The following NDUFC2 variants were observed in gnomAD, a reference collection of about 807,000 sequenced individuals.
NDUFC2 encodes the protein NADH:ubiquinone oxidoreductase subunit C2.
A neutral mutation model predicts 10.1 loss-of-function variants in NDUFC2; 2 were observed. The observed-to-expected ratio is 0.20, with a 90% CI of 0.08 to 0.62. NDUFC2 has a LOEUF of 0.62. NDUFC2 is among the 20% of genes least tolerant of loss of function. The pLI is 0.87. For missense variants in NDUFC2, 156 were observed against 159.6 expected (o/e 0.98, Z 0.12); for synonymous variants, 61 against 63.6 (o/e 0.96, Z 0.20).
chr11:78,079,112 T>TTAAAAA (rs752264424), intron 1 of NDUFC2, among the ~76,000 whole-genome samples: 1 of 22,302 alleles, frequency 4.5e-5, no homozygotes, highest in Non-Finnish European at 8.8e-5. Context: ...CATTCAGAGG[T>TTAAAAA]CAAAAAAAAA....
At position 78,069,913 on chromosome 11, in the gene NDUFC2, G is replaced by C; in HGVS notation, c.*74C>G. The stretch of plus-strand genomic sequence containing the variant: ...ATACAGATTAGCATAAGCTTCAACT[G>C]TCATAAGAAACATGTTCCATCAAAT... On this transcript the variant is annotated 3_prime_UTR_variant, in exon 3 of 3. Coordinates refer to ENST00000281031, the MANE Select transcript of NDUFC2 (RefSeq NM_004549.6). The C allele has an allele frequency of 6.2e-7, 1 of 1,613,446 alleles. No individual in the cohort carries two copies. Among genetic ancestry groups the C allele is most frequent in the Non-Finnish European group, 8.5e-7 (1 of 1,179,738 alleles).
chr11:78,074,169 C>T (rs1450726849), intron 1 of NDUFC2, among the ~76,000 whole-genome samples: 2 of 151,960 alleles, frequency 1.3e-5, no homozygotes, highest in East Asian at 3.9e-4. Flanking sequence ...AATGAGCCAC[C>T]ACACTCGGCC....
At chr11:78,074,100 G>A (rs1169712704) in intron 1 of NDUFC2, among the ~76,000 whole-genome samples, 2 of 150,272 alleles carry the variant, frequency 1.3e-5, no homozygotes, top group African/African-American at 4.9e-5. Flanking sequence ...GACTGGTCTT[G>A]AACTCCTGGG....
At chr11:78,079,445 G>C in intron 1 of NDUFC2, 134 bp downstream of exon 1, 1 of 1,316,638 alleles carries the variant, frequency 7.6e-7, no homozygotes, top group Non-Finnish European at 1.0e-6. Context: ...CGGACTCCCC[G>C]GAAAGGCGAG....
chr11:78,072,797 A>C, intron 2 of NDUFC2: 2 of 693,288 alleles, frequency 2.9e-6, no homozygotes, highest in Admixed American at 6.3e-5. Context: ...GGCAGAGGGG[A>C]TATGAGTTTT....
In NDUFC2 at chr11:78,068,548, AG is replaced by A. The variant is rs1300796361; in HGVS notation, c.*1438del. On this transcript the variant is annotated 3_prime_UTR_variant, in exon 3 of 3. Coordinates refer to ENST00000281031, the MANE Select transcript of NDUFC2 (RefSeq NM_004549.6). ...ACGCCTGTAATTCCAACACTTTGGA[AG>A]GCCAAGGCAGGTGGATCACAAGGTC... 6.6e-6 allele frequency: 1 copy of A among 152,244 alleles called. No homozygotes were observed. Among genetic ancestry groups the A allele is most frequent in the Admixed American group, 6.5e-5 (1 of 15,280 alleles). 9.4% of individuals were successfully genotyped at this position (152,244 alleles called of 1,614,324 possible).
At chr11:78,070,299 A>G (rs1227110536) in intron 2 of NDUFC2, among the ~76,000 whole-genome samples, 1 of 152,096 alleles carries the variant, frequency 6.6e-6, no homozygotes, top group East Asian at 1.9e-4. Context: ...TGCCTCTTCT[A>G]CCATGTGAGG....
chr11:78,079,520 C>A, intron 1 of NDUFC2, 59 bp downstream of exon 1: 1 of 1,523,842 alleles, frequency 6.6e-7, no homozygotes, highest in Non-Finnish European at 8.8e-7. Context: ...ACGGCCGGGC[C>A]AGTCTGCAGC....
chr11:78,072,707 C>A (rs1447387576), intron 2 of NDUFC2, among the ~76,000 whole-genome samples: 1 of 152,212 alleles, frequency 6.6e-6, no homozygotes, highest in Non-Finnish European at 1.5e-5. Context: ...TGATGATTCT[C>A]AGGCTTCTGG....
Position 78,073,801 on chromosome 11 carries a change from C to CAAA in NDUFC2, c.167-663_167-661dup, listed in dbSNP as rs11290651. On this transcript the variant is annotated intron_variant, in intron 1 of 2. Transcript: ENST00000281031. ...TGGGGGACGGAGTGAGGCTCTGTCT[C>CAAA]AAAAAAAAAAAAAAAAAAAAAAAGC... Among the ~76,000 whole-genome samples the CAAA allele has an allele frequency of 2.6e-3, 163 of 62,080 alleles. 2 individuals carry two copies. Among genetic ancestry groups the CAAA allele is most frequent in the African/African-American group, 9.4e-3 (152 of 16,100 alleles). 40.7% of individuals were successfully genotyped at this position (62,080 alleles called of 152,430 possible). A position where few individuals can be genotyped will look rare whatever the true frequency, so the allele number is the denominator to read the frequency against.
At chr11:78,073,244 C>A in intron 1 of NDUFC2, 103 bp from the exon 2 acceptor site, 1 of 1,562,464 alleles carries the variant, frequency 6.4e-7, no homozygotes, top group Non-Finnish European at 8.7e-7. Flanking sequence ...GTAATCCCAG[C>A]ACTTTGGGAG....
rs1859411466 is a variant in NDUFC2 at position 78,079,446 on chromosome 11, G to C, written c.166+133C>G. On this transcript the variant is annotated intron_variant, in intron 1 of 2. Transcript: ENST00000281031. The stretch of plus-strand genomic sequence containing the variant: ...GAGCTAATGGGGCGCGGACTCCCCG[G>C]AAAGGCGAGATGGGGCCAGCTAGGC... 5 of 1,320,266 alleles carry C rather than the reference G, an allele frequency of 3.8e-6. No homozygotes were observed. In the East Asian group the frequency reaches 1.4e-4, roughly 36 times the overall value. The allele number at this position is 1,320,266 out of a possible 1,614,324, so 81.8% of individuals were successfully genotyped here. A position where few individuals can be genotyped will look rare whatever the true frequency, so the allele number is the denominator to read the frequency against.
At chr11:78,078,727 G>GTTTTTTTTTTTTTTTTT (rs1565334734) in intron 1 of NDUFC2, among the ~76,000 whole-genome samples, 17 of 19,740 alleles carry the variant, frequency 8.6e-4, no homozygotes, top group Admixed American at 1.4e-3. Flanking sequence ...ATCAGGATCC[G>GTTTTTTTTTTTTTTTTT]CTTTTTTTTT....
At position 78,069,548 on chromosome 11, in the gene NDUFC2, C is replaced by T. The variant is rs2136818652; in HGVS notation, c.*439G>A. 1 of 304,198 alleles carries T rather than the reference C, an allele frequency of 3.3e-6. No individual in the cohort carries two copies. The highest frequency in any genetic ancestry group is 6.9e-5 in the East Asian group (1 of 14,396). 18.8% of individuals were successfully genotyped at this position (304,198 alleles called of 1,614,324 possible). ...TGGCTCACTCTAAATTCACTTTGCACTAGGACAGGGGCAGGCAAACCTTTT... is the reference window on the plus strand; with the variant it reads ...TGGCTCACTCTAAATTCACTTTGCATTAGGACAGGGGCAGGCAAACCTTTT... On this transcript the variant is annotated 3_prime_UTR_variant, in exon 3 of 3. Coordinates refer to ENST00000281031, the MANE Select transcript of NDUFC2 (RefSeq NM_004549.6).
intron 1 of NDUFC2, among the ~76,000 whole-genome samples, chr11:78,075,742 G>A (rs1859221763): frequency 6.6e-6 from 1 of 152,052 alleles, no homozygotes; most frequent in Admixed American, 6.6e-5. Context: ...ATGCCACCAC[G>A]TCCAGATAGC....
intron 2 of NDUFC2, among the ~76,000 whole-genome samples, chr11:78,071,404 G>A (rs1859004814): frequency 6.6e-6 from 1 of 151,924 alleles, no homozygotes; most frequent in Non-Finnish European, 1.5e-5. Flanking sequence ...CTATAGGCAT[G>A]TGCCACCTCA....
At position 78,079,639 on chromosome 11, in the gene NDUFC2, A is replaced by G. The variant is rs1461610197; in HGVS notation, c.106T>C (p.Leu36=). The G allele has an allele frequency of 6.3e-7, 1 of 1,588,092 alleles. No individual in the cohort carries two copies. Among genetic ancestry groups the G allele is most frequent in the Non-Finnish European group, 8.6e-7 (1 of 1,167,802 alleles). ...TDPRLLYIGF[L]GYCSGLIDNL... ...TCAATCAGGCCGGAGCAGTAGCCCAAGAAGCCGATGTAGAGGAGCCGCGGG... is the reference window on the plus strand; with the variant it reads ...TCAATCAGGCCGGAGCAGTAGCCCAGGAAGCCGATGTAGAGGAGCCGCGGG... Residue 36 remains leucine, a synonymous_variant, in exon 1 of 3, where the codon TTG becomes CTG. Transcript: ENST00000281031.
At position 78,069,284 on chromosome 11, in the gene NDUFC2, T is replaced by G. The variant is rs1483484618; in HGVS notation, c.*703A>C. Reference sequence around the variant, plus strand: ...GCACCAAGCTCCACTGTAGACAGTATTAGCTCCTGAGTCCATTTTCTCCAG... The same window carrying G: ...GCACCAAGCTCCACTGTAGACAGTAGTAGCTCCTGAGTCCATTTTCTCCAG... On this transcript the variant is annotated 3_prime_UTR_variant, in exon 3 of 3. Coordinates refer to ENST00000281031, the MANE Select transcript of NDUFC2 (RefSeq NM_004549.6). 6.5e-6 allele frequency: 1 copy of G among 152,744 alleles called. No homozygotes were observed. The highest frequency in any genetic ancestry group is 2.4e-5 in the African/African-American group (1 of 41,450). The allele number at this position is 152,744 out of a possible 1,614,324, so 9.5% of individuals were successfully genotyped here.
chr11:78,068,385 C>G lies in NDUFC2; in HGVS notation c.*1602G>C, dbSNP rs1858835625. The stretch of plus-strand genomic sequence containing the variant: ...TCTTTATTATTTCTAAAGCACTTTC[C>G]TCAACCTAATTTCAGTTTTTACAAT... On this transcript the variant is annotated 3_prime_UTR_variant, in exon 3 of 3. Transcript: ENST00000281031. The G allele has an allele frequency of 6.6e-6, 1 of 152,188 alleles. No individual in the cohort carries two copies. The highest frequency in any genetic ancestry group is 2.4e-5 in the African/African-American group (1 of 41,436). 9.4% of individuals were successfully genotyped at this position (152,188 alleles called of 1,614,324 possible).
Sources: gnomAD v4.1 joint callset for allele counts (sites outside exome capture counted in the v4.1 genomes callset) on GRCh38, gnomAD v4.1.1 for gene constraint, MANE v1.5 for transcripts, NCBI Gene and HGNC (gene_info 2026-07-23, HGNC 2026-07-21) for gene names.